Variants in AFF4 observed in about 807,000 individuals in gnomAD.
AFF4 encodes AF4/FMR2 family member 4.
A neutral mutation model predicts 124.8 loss-of-function variants in AFF4; 13 were observed. The observed-to-expected ratio is 0.10, with a 90% CI of 0.07 to 0.17. The LOEUF is 0.17. AFF4 is among the 10% of genes least tolerant of loss of function. AFF4 has a pLI of 1.00. For synonymous variants in AFF4, 477 were observed against 496.1 expected (o/e 0.96, Z 0.51); for missense variants, 1,092 against 1,403.8 (o/e 0.78, Z 3.55).
chr5:132,930,382 TAA>T (rs1236068554), intron 4 of AFF4, among the ~76,000 whole-genome samples: 1 of 151,750 alleles, frequency 6.6e-6, no homozygotes, highest in Non-Finnish European at 1.5e-5. Flanking sequence ...CAATGAAGCA[TAA>T]AAACAGTCAA....
chr5:132,883,955 A>G (rs1000076965), intron 19 of AFF4, among the ~76,000 whole-genome samples: 5 of 152,220 alleles, frequency 3.3e-5, no homozygotes, highest in African/African-American at 1.2e-4. Context: ...TTTAACCTAA[A>G]AAACTGTGGT....
In AFF4 at chr5:132,879,076, TAGAA is replaced by T. The variant is rs1218991244; in HGVS notation, c.*1979_*1982del. On this transcript the variant is annotated 3_prime_UTR_variant, in exon 21 of 21. Transcript: ENST00000265343. ...TTCCTAGAACACACTAAGATTAAGT[TAGAA>T]AGATATCAGAGGCAATTTCTCCAAG... 3.2e-5 allele frequency: 7 copies of T among 221,178 alleles called. No individual in the cohort carries two copies. The East Asian group carries it at 4.7e-4, about 15-fold the overall frequency. 13.7% of individuals were successfully genotyped at this position (221,178 alleles called of 1,614,324 possible).
intron 1 of AFF4, among the ~76,000 whole-genome samples, chr5:132,942,727 T>C (rs889781305): frequency 2.3e-4 from 35 of 152,346 alleles, no homozygotes; most frequent in Middle Eastern, 6.8e-3. Flanking sequence ...GCCTCCCAAG[T>C]GCTGGAATTA....
In AFF4 at chr5:132,896,395, T is replaced by G. The variant is rs1482772316; in HGVS notation, c.2235A>C (p.Pro745=). 6.2e-7 allele frequency: 1 copy of G among 1,613,706 alleles called. No homozygotes were observed. Among genetic ancestry groups the G allele is most frequent in the Non-Finnish European group, 8.5e-7 (1 of 1,179,966 alleles). The change falls in exon 11 of 21, where the codon CCA becomes CCC. Residue 745 remains proline (P), a synonymous_variant. Transcript: ENST00000265343. ...TCTGAGCCTCTCTCGTGTGCTTTTC[T>G]GGCACATTTTTCTTTTCCCCCTTGG... The part of the protein sequence containing the change: ...EPPKGEKKNV[P]EKHTREAQKQ...
At chr5:132,882,238 A>G (rs1361608358) in intron 20 of AFF4, among the ~76,000 whole-genome samples, 2 of 149,484 alleles carry the variant, frequency 1.3e-5, no homozygotes, top group Non-Finnish European at 3.0e-5. Context: ...AAAAGTTGGG[A>G]TTCCACTTTT....
intron 14 of AFF4, among the ~76,000 whole-genome samples, chr5:132,888,498 C>T (rs564416527): frequency 4.9e-4 from 74 of 152,110 alleles, no homozygotes; most frequent in Admixed American, 8.5e-4. Flanking sequence ...TATTGCTCTT[C>T]CTCATTTAAG....
Position 132,878,160 on chromosome 5 carries a change from G to A in AFF4, c.*2899C>T, listed in dbSNP as rs1307808073. 3 of 228,360 alleles carry A rather than the reference G, an allele frequency of 1.3e-5. No individual in the cohort carries two copies. The highest frequency in any genetic ancestry group is 2.6e-5 in the Non-Finnish European group (3 of 115,006). The allele number at this position is 228,360 out of a possible 1,614,324, so 14.1% of individuals were successfully genotyped here. On this transcript the variant is annotated 3_prime_UTR_variant, in exon 21 of 21. Transcript: ENST00000265343. ...TGCTCTCTAGCCAGACTGGAGCCTGGGCTGAGCTGTGGAAACTCCCCTGAA... is the reference window on the plus strand; with the variant it reads ...TGCTCTCTAGCCAGACTGGAGCCTGAGCTGAGCTGTGGAAACTCCCCTGAA...
chr5:132,892,459 G>A, intron 12 of AFF4, 55 bp from the exon 13 acceptor site: 2 of 1,538,378 alleles, frequency 1.3e-6, no homozygotes, highest in South Asian at 1.3e-5. Flanking sequence ...AGGGGTAATT[G>A]ATTTTTCCAT....
Position 132,936,682 on chromosome 5 carries a change from T to C in AFF4, c.123+385A>G, listed in dbSNP as rs187509832. On this transcript the variant is annotated intron_variant, in intron 2 of 20. Coordinates refer to ENST00000265343, the MANE Select transcript of AFF4 (RefSeq NM_014423.4). ...TGGTGAAGTACCCGCCGATGGTTAGTAGCACAACTAGGAAAATAGAGGTAA... is the reference window on the plus strand; with the variant it reads ...TGGTGAAGTACCCGCCGATGGTTAGCAGCACAACTAGGAAAATAGAGGTAA... Among the ~76,000 whole-genome samples the C allele has an allele frequency of 3.5e-3, 540 of 152,318 alleles. 6 individuals carry two copies. Among genetic ancestry groups the C allele is most frequent in the African/African-American group, 0.012 (511 of 41,566 alleles).
chr5:132,961,079 A>G (rs67806898), intron 1 of AFF4, among the ~76,000 whole-genome samples: 17,516 of 151,956 alleles, frequency 0.12, 1,279 homozygotes, highest in South Asian at 0.2. Context: ...AAAAACATTA[A>G]CTGGGAATGG....
At chr5:132,899,261 T>C (rs1190632186) in intron 8 of AFF4, 120 bp from the exon 9 acceptor site, 1 of 913,700 alleles carries the variant, frequency 1.1e-6, no homozygotes, top group East Asian at 2.5e-5. Context: ...TGCAACAATA[T>C]TTAGCACTTA....
At chr5:132,937,279 A>G (rs1330052833) in intron 1 of AFF4, 86 bp from the exon 2 acceptor site, 7 of 1,416,552 alleles carry the variant, frequency 4.9e-6, no homozygotes, top group Non-Finnish European at 6.5e-6. Context: ...TTAACACTTC[A>G]ATCACAGATT....
chr5:132,883,481 T>C lies in AFF4; in HGVS notation c.3223A>G (p.Ser1075Gly), dbSNP rs1413663317. The C allele has an allele frequency of 1.9e-6, 3 of 1,613,966 alleles. No homozygotes were observed. The highest frequency in any genetic ancestry group is 2.5e-6 in the Non-Finnish European group (3 of 1,180,032). The change falls in exon 20 of 21, where the codon AGT becomes GGT. Residue 1075 changes from serine to glycine, a missense_variant. Physicochemically the swap from Ser to Gly is moderately conservative, Grantham distance 56 (BLOSUM62 0). Around this residue, in one of 11 missense-constraint regions of AFF4, gnomAD observed 173 missense variants for 294.9 expected, o/e 0.59. Transcript: ENST00000265343. ...ACTGAAGAACCACTTGCAGAAGCAC[T>C]ACTGGCCCCAGATGAATAATTTCCT... ...NSGNYSSGAS[S>G]ASASGSSVTI...
intron 5 of AFF4, among the ~76,000 whole-genome samples, chr5:132,914,360 T>C (rs1357351495): frequency 6.6e-6 from 1 of 151,786 alleles, no homozygotes; most frequent in Admixed American, 6.6e-5. Context: ...CCCAGCATTT[T>C]GGGAGGCTGA....
At chr5:132,959,276 C>G (rs1294580544) in intron 1 of AFF4, among the ~76,000 whole-genome samples, 1 of 152,024 alleles carries the variant, frequency 6.6e-6, no homozygotes, top group Non-Finnish European at 1.5e-5. Flanking sequence ...CAGGCGCCAC[C>G]ATGCCCAGCT....
At chr5:132,956,316 C>A (rs1199655958) in intron 1 of AFF4, among the ~76,000 whole-genome samples, 1 of 152,052 alleles carries the variant, frequency 6.6e-6, no homozygotes, top group Non-Finnish European at 1.5e-5. Context: ...TCCAGTAAAA[C>A]TTTATTTATG....
In AFF4 at chr5:132,911,745, C is replaced by T. The variant is rs559597763; in HGVS notation, c.1051-7341G>A. On this transcript the variant is annotated intron_variant, in intron 5 of 20. Coordinates refer to ENST00000265343, the MANE Select transcript of AFF4 (RefSeq NM_014423.4). Reference sequence around the variant, plus strand: ...ACTATAAGACCAAAATTTCAAGAAGCTGAACAAACCTCAAGCACGAGAAAG... The same window carrying T: ...ACTATAAGACCAAAATTTCAAGAAGTTGAACAAACCTCAAGCACGAGAAAG... Among the ~76,000 whole-genome samples, 6 of 150,486 alleles carry T rather than the reference C, an allele frequency of 4.0e-5. No homozygotes were observed. In the East Asian group the frequency reaches 5.8e-4, roughly 15 times the overall value.
intron 5 of AFF4, among the ~76,000 whole-genome samples, chr5:132,922,265 A>T (rs1272000935): frequency 1.3e-5 from 2 of 152,178 alleles, no homozygotes; most frequent in East Asian, 3.9e-4. Context: ...AAAAAAATAC[A>T]AAAATCAGCC....
intron 5 of AFF4, among the ~76,000 whole-genome samples, chr5:132,913,991 A>G (rs1413407238): frequency 6.6e-6 from 1 of 152,026 alleles, no homozygotes; most frequent in Non-Finnish European, 1.5e-5. Context: ...ACTTTGGGAC[A>G]CCGAGGTGGG....
Sources: allele counts gnomAD v4.1 joint callset (sites outside exome capture counted in the v4.1 genomes callset), GRCh38; gene constraint gnomAD v4.1.1; regional missense constraint gnomAD v4.1.1; transcripts MANE v1.5; gene names NCBI Gene and HGNC (gene_info 2026-07-23, HGNC 2026-07-21).